NEMP2: variants seen among roughly 807,000 people sequenced by gnomAD.
The protein encoded by NEMP2 is nuclear envelope integral membrane protein 2.
In NEMP2, 53 loss-of-function variants were observed where a neutral mutation model predicts 54.2. That is an observed-to-expected ratio of 0.98 (90% CI 0.78 to 1.23). The LOEUF (loss-of-function observed/expected upper bound fraction) is 1.23, where lower values mean the gene tolerates loss of function less well. Among genes scored for constraint, NEMP2 ranks in the 50% most tolerant of loss-of-function variants. The pLI, the probability that NEMP2 is intolerant of heterozygous loss-of-function variation, is 0.00. For missense variants in NEMP2, 455 were observed against 511.3 expected (o/e 0.89, Z 1.06); for synonymous variants, 197 against 190.3 (o/e 1.04, Z -0.29).
At chr2:190,487,596 T>A in the NEMP2 span, among the ~76,000 whole-genome samples, 1 of 152,078 alleles carries the variant, frequency 6.6e-6, no homozygotes, top group Non-Finnish European at 1.5e-5. The surrounding 1 kb of genome is among the most constrained non-coding windows in gnomAD (Gnocchi z 5.5). Context: ...GCAAAGGAAT[T>A]GAATAAACAT....
In NEMP2 at chr2:190,531,352, A is replaced by G. The variant is rs1691136890; in HGVS notation, c.97+3207T>C. Among the ~76,000 whole-genome samples, 1 of 152,200 alleles carries G rather than the reference A, an allele frequency of 6.6e-6. No individual in the cohort carries two copies. The highest frequency in any genetic ancestry group is 1.5e-5 in the Non-Finnish European group (1 of 68,034). Reference sequence around the variant, plus strand: ...CCTCAACCCTCAAGGACTGAGGAGTATCTGTGGGATCAACCCTGAATGCCA... The same window carrying G: ...CCTCAACCCTCAAGGACTGAGGAGTGTCTGTGGGATCAACCCTGAATGCCA... On this transcript the variant is annotated intron_variant, in intron 1 of 8. Transcript: ENST00000409150. The surrounding 1 kb of genome is among the most constrained non-coding windows in gnomAD (Gnocchi z 4.7).
chr2:190,633,616 T>A, the NEMP2 span, among the ~76,000 whole-genome samples: 1 of 152,178 alleles, frequency 6.6e-6, no homozygotes, highest in Non-Finnish European at 1.5e-5. Flanking sequence ...GCCCAGCCCA[T>A]ATTCAACTTT....
Position 190,510,398 on chromosome 2 carries a change from A to G in NEMP2, c.1093T>C (p.Ser365Pro). The G allele has an allele frequency of 6.4e-7, 1 of 1,551,698 alleles. No homozygotes were observed. The highest frequency in any genetic ancestry group is 1.2e-5 in the South Asian group (1 of 84,066). ...RRACRKPDFP[S>P]WLVVSRLHTP... ...TGGAGTCTGGAGACGACCAGCCATG[A>G]GGGAAAGTCGGGTTTTCGGCAGGCC... The change falls in exon 8 of 9, where the codon TCA becomes CCA. Residue 365 changes from serine to proline, a missense_variant. Transcript: ENST00000409150. This position sits in a 1 kb window ranked among gnomAD's most constrained non-coding sequence, Gnocchi z 5.7.
chr2:190,497,490 T>C, the NEMP2 span: 1 of 1,614,176 alleles, frequency 6.2e-7, no homozygotes, highest in Non-Finnish European at 8.5e-7. This position sits in a 1 kb window ranked among gnomAD's most constrained non-coding sequence, Gnocchi z 5.2. Flanking sequence ...CCCGTTCCTA[T>C]AGCAACCATC....
At position 190,512,085 on chromosome 2, in the gene NEMP2, T is replaced by C. The variant is rs1690387646; in HGVS notation, c.954-1548A>G. Among the ~76,000 whole-genome samples the C allele has an allele frequency of 6.7e-6, 1 of 148,730 alleles. No individual in the cohort carries two copies. Among genetic ancestry groups the C allele is most frequent in the Non-Finnish European group, 1.5e-5 (1 of 67,982 alleles). On this transcript the variant is annotated intron_variant, in intron 7 of 8. Coordinates refer to ENST00000409150, the MANE Select transcript of NEMP2 (RefSeq NM_001142645.2). This position sits in a 1 kb window ranked among gnomAD's most constrained non-coding sequence, Gnocchi z 4.5. ...TCAAGGAAACAGTGATATAATCTCCTTCTGCTTTTCTGAATACCTGTGCAT... is the reference window on the plus strand; with the variant it reads ...TCAAGGAAACAGTGATATAATCTCCCTCTGCTTTTCTGAATACCTGTGCAT...
chr2:190,500,111 G>C, downstream of NEMP2: 1 of 1,614,200 alleles, frequency 6.2e-7, no homozygotes, highest in Non-Finnish European at 8.5e-7. The surrounding 1 kb of genome is among the most constrained non-coding windows in gnomAD (Gnocchi z 5.3). Context: ...GCCATCCCCT[G>C]ACGCAGCAGC....
chr2:190,460,473 A>G, the NEMP2 span, among the ~76,000 whole-genome samples: 1 of 152,178 alleles, frequency 6.6e-6, no homozygotes, highest in Non-Finnish European at 1.5e-5. Flanking sequence ...AGTATGTTCA[A>G]TAAGTATTTG....
At chr2:190,540,090 T>C in the NEMP2 span, among the ~76,000 whole-genome samples, 2 of 152,194 alleles carry the variant, frequency 1.3e-5, no homozygotes, top group African/African-American at 4.8e-5. Flanking sequence ...TTGAGATGTT[T>C]TTTCTATATT....
rs954649488 is a variant in NEMP2 at position 190,513,596 on chromosome 2, G to C, written c.953+857C>G. Among the ~76,000 whole-genome samples the C allele has an allele frequency of 2.0e-4, 31 of 152,228 alleles. No individual in the cohort carries two copies. Among genetic ancestry groups the C allele is most frequent in the African/African-American group, 6.8e-4 (28 of 41,450 alleles). On this transcript the variant is annotated intron_variant, in intron 7 of 8. Coordinates refer to ENST00000409150, the MANE Select transcript of NEMP2 (RefSeq NM_001142645.2). This position sits in a 1 kb window ranked among gnomAD's most constrained non-coding sequence, Gnocchi z 5.3. ...CTAGATTGCTTAGCATGGCTGCCAT[G>C]CATCTGGCCCATGCCCACCTTGCTT... is the stretch of plus-strand genomic sequence containing the variant.
At chr2:190,481,927 C>T in the NEMP2 span, among the ~76,000 whole-genome samples, 23 of 152,230 alleles carry the variant, frequency 1.5e-4, no homozygotes, top group Admixed American at 1.5e-3. Flanking sequence ...GACAGAGAGA[C>T]TGGCTTGCTA....
the NEMP2 span, among the ~76,000 whole-genome samples, chr2:190,491,225 G>A: frequency 6.6e-6 from 1 of 152,202 alleles, no homozygotes; most frequent in African/African-American, 2.4e-5. This position sits in a 1 kb window ranked among gnomAD's most constrained non-coding sequence, Gnocchi z 4.2. Context: ...AAATACTTGT[G>A]TTCTGGAGAG....
At chr2:190,450,169 T>A in the NEMP2 span, among the ~76,000 whole-genome samples, 1 of 152,222 alleles carries the variant, frequency 6.6e-6, no homozygotes, top group East Asian at 1.9e-4. Flanking sequence ...AGTGTCAGTT[T>A]ACTGCGTTTT....
chr2:190,579,286 C>G, the NEMP2 span, among the ~76,000 whole-genome samples: 3 of 150,906 alleles, frequency 2.0e-5, no homozygotes, highest in Admixed American at 2.0e-4. Flanking sequence ...TTTAAAGACA[C>G]ATGGGTGACA....
chr2:190,469,806 T>C, the NEMP2 span: 4 of 1,611,310 alleles, frequency 2.5e-6, no homozygotes, highest in Middle Eastern at 1.7e-4. This position sits in a 1 kb window ranked among gnomAD's most constrained non-coding sequence, Gnocchi z 5.3. Context: ...ATATTTATAT[T>C]TCCTACCTGG....
At chr2:190,455,724 G>T in the NEMP2 span, among the ~76,000 whole-genome samples, 1 of 152,020 alleles carries the variant, frequency 6.6e-6, no homozygotes, top group East Asian at 1.9e-4. Context: ...CAGGGGCATC[G>T]TGCGGAGGTC....
the NEMP2 span, among the ~76,000 whole-genome samples, chr2:190,446,412 C>T: frequency 6.6e-6 from 1 of 152,186 alleles, no homozygotes; most frequent in Non-Finnish European, 1.5e-5. Flanking sequence ...GCACTTTACT[C>T]TGCTAAATCC....
chr2:190,452,167 A>G, the NEMP2 span, among the ~76,000 whole-genome samples: 2 of 152,088 alleles, frequency 1.3e-5, no homozygotes, highest in South Asian at 2.1e-4. Flanking sequence ...AAAATCTCCA[A>G]TCGCTTGAAC....
the NEMP2 span, among the ~76,000 whole-genome samples, chr2:190,443,546 A>G: frequency 6.6e-6 from 1 of 152,234 alleles, no homozygotes; most frequent in Non-Finnish European, 1.5e-5. This position sits in a 1 kb window ranked among gnomAD's most constrained non-coding sequence, Gnocchi z 4.2. Flanking sequence ...TCAGAAGTGT[A>G]CAGATGATTA....
chr2:190,497,412 A>T, the NEMP2 span: 18 of 1,599,722 alleles, frequency 1.1e-5, no homozygotes, highest in Non-Finnish European at 1.5e-5. The surrounding 1 kb of genome is among the most constrained non-coding windows in gnomAD (Gnocchi z 5.2). Flanking sequence ...TGCTGAAAAA[A>T]TAGTTTAAAC....
Sources: gnomAD v4.1 joint callset for allele counts (sites outside exome capture counted in the v4.1 genomes callset) on GRCh38, gnomAD v4.1.1 for gene constraint, Gnocchi (gnomAD v3.1) non-coding constraint, MANE v1.5 for transcripts, NCBI Gene and HGNC (gene_info 2026-07-23, HGNC 2026-07-21) for gene names.